Variants in PDE1C observed in about 807,000 individuals in gnomAD.
PDE1C encodes the protein phosphodiesterase 1C.
A neutral mutation model predicts 93.1 loss-of-function variants in PDE1C; 62 were observed. That is an observed-to-expected ratio of 0.67 (90% CI 0.54 to 0.82). The LOEUF (loss-of-function observed/expected upper bound fraction) is 0.82. Among genes scored for constraint, PDE1C ranks in the 40% least tolerant of loss-of-function variants. The probability of loss-of-function intolerance (pLI) is 0.00; values close to 1 mark genes in which losing one functional copy is unlikely to be tolerated. For missense variants in PDE1C, 742 were observed against 884.6 expected (o/e 0.84, Z 2.04); for synonymous variants, 325 against 310.1 (o/e 1.05, Z -0.50).
intron 5 of PDE1C, among the ~76,000 whole-genome samples, chr7:31,875,461 C>T (rs1034034048): frequency 1.3e-5 from 2 of 152,056 alleles, no homozygotes; most frequent in Non-Finnish European, 2.9e-5. Context: ...TATGGACCCT[C>T]CAGTGGGGAC....
chr7:32,341,518 T>A (rs529567353), intron 1 of PDE1C, among the ~76,000 whole-genome samples: 1 of 152,176 alleles, frequency 6.6e-6, no homozygotes, highest in African/African-American at 2.4e-5. Flanking sequence ...GGAGCACAGA[T>A]GAAACAGGGG....
At chr7:32,020,751 A>G (rs1788550171) in intron 2 of PDE1C, among the ~76,000 whole-genome samples, 1 of 152,274 alleles carries the variant, frequency 6.6e-6, no homozygotes, top group Non-Finnish European at 1.5e-5. Flanking sequence ...AAAAAATTTT[A>G]CACAAATCTA....
At chr7:31,758,266 G>A (rs1257217156) in intron 17 of PDE1C, among the ~76,000 whole-genome samples, 1 of 151,842 alleles carries the variant, frequency 6.6e-6, no homozygotes, top group African/African-American at 2.4e-5. Context: ...TGCACGTTGT[G>A]CACATGTACC....
At chr7:32,135,529 C>T (rs1357058187) in intron 3 of PDE1C, among the ~76,000 whole-genome samples, 1 of 152,154 alleles carries the variant, frequency 6.6e-6, no homozygotes, top group Non-Finnish European at 1.5e-5. Flanking sequence ...TGGTGTTCAA[C>T]ATTACTAACC....
chr7:32,233,854 A>C (rs1807881621), intron 1 of PDE1C, among the ~76,000 whole-genome samples: 1 of 152,054 alleles, frequency 6.6e-6, no homozygotes, highest in African/African-American at 2.4e-5. Flanking sequence ...TTTCTACTCA[A>C]AACTAGCAGA....
chr7:31,893,634 C>T (rs1261888767), intron 2 of PDE1C: 1 of 285,762 alleles, frequency 3.5e-6, no homozygotes, highest in Non-Finnish European at 5.3e-6. Context: ...AAGGTAAACG[C>T]TAATACAGGA....
intron 2 of PDE1C, among the ~76,000 whole-genome samples, chr7:31,940,615 C>G (rs928042940): frequency 6.6e-6 from 1 of 152,120 alleles, no homozygotes; most frequent in East Asian, 1.9e-4. Context: ...GATGGGTGCC[C>G]TGAGGCATTT....
At position 32,421,679 on chromosome 7, in the gene PDE1C, T is replaced by C. The variant is rs772396918; in HGVS notation, c.310+6143A>G. ...AAGTCTAACTGCAAGTGATCTAGGATAAAGCATGTCATCAATAATAAGTAA... is the reference window on the plus strand; with the variant it reads ...AAGTCTAACTGCAAGTGATCTAGGACAAAGCATGTCATCAATAATAAGTAA... On this transcript the variant is annotated intron_variant, in intron 1 of 1. Coordinates refer to the PDE1C transcript ENST00000672256. Among the ~76,000 whole-genome samples the C allele has an allele frequency of 1.8e-4, 27 of 152,306 alleles. 1 individual carries two copies. Among genetic ancestry groups the C allele is most frequent in the Middle Eastern group, 3.4e-3 (1 of 294 alleles).
chr7:32,347,927 G>C (rs938027946), intron 1 of PDE1C, among the ~76,000 whole-genome samples: 4 of 152,176 alleles, frequency 2.6e-5, no homozygotes, highest in Admixed American at 2.0e-4. Context: ...AAATGTAGTT[G>C]TTTTAAACAC....
the PDE1C span, chr7:31,695,534 G>A: frequency 1.2e-6 from 2 of 1,613,888 alleles, no homozygotes; most frequent in Non-Finnish European, 1.7e-6. Flanking sequence ...GGGAAAAAAT[G>A]TACAGGCCAC....
intron 2 of PDE1C, among the ~76,000 whole-genome samples, chr7:31,990,465 T>C (rs908519241): frequency 6.6e-6 from 1 of 152,186 alleles, no homozygotes; most frequent in South Asian, 2.1e-4. Context: ...GTTTTGGGTA[T>C]GTCTTTATGA....
At chr7:32,127,935 A>G (rs1799678574) in intron 3 of PDE1C, among the ~76,000 whole-genome samples, 1 of 152,028 alleles carries the variant, frequency 6.6e-6, no homozygotes, top group African/African-American at 2.4e-5. Context: ...AAAGGACAGC[A>G]ATGAAAAGAA....
At chr7:32,263,727 T>C (rs7806397) in intron 1 of PDE1C, among the ~76,000 whole-genome samples, 82,899 of 151,972 alleles carry the variant, frequency 0.55, 24,643 homozygotes, top group Admixed American at 0.67. Context: ...TTTTATGACA[T>C]TGAGATTTTT....
chr7:31,661,940 A>G, the PDE1C span, among the ~76,000 whole-genome samples: 1 of 152,148 alleles, frequency 6.6e-6, no homozygotes, highest in Admixed American at 6.5e-5. Context: ...CCAAGTGCAG[A>G]TGGCTCACAT....
chr7:31,653,921 G>A, the PDE1C span, among the ~76,000 whole-genome samples: 1 of 152,174 alleles, frequency 6.6e-6, no homozygotes, highest in Admixed American at 6.5e-5. Flanking sequence ...GTACCAGACT[G>A]TCCAGTCAGG....
At chr7:32,181,876 A>G (rs909353214) in intron 2 of PDE1C, among the ~76,000 whole-genome samples, 2 of 152,202 alleles carry the variant, frequency 1.3e-5, no homozygotes, top group Non-Finnish European at 2.9e-5. Flanking sequence ...TTTTTTGAAA[A>G]GATCAACAAC....
At chr7:32,175,459 A>T (rs992025887) in intron 2 of PDE1C, among the ~76,000 whole-genome samples, 1 of 152,190 alleles carries the variant, frequency 6.6e-6, no homozygotes, top group African/African-American at 2.4e-5. Flanking sequence ...CTTCAAGCAG[A>T]GGTAATCTTT....
chr7:32,396,856 A>C (rs924838847), intron 1 of PDE1C, among the ~76,000 whole-genome samples: 1 of 152,230 alleles, frequency 6.6e-6, no homozygotes, highest in African/African-American at 2.4e-5. Context: ...TATTTGATAC[A>C]GGTGGTATCT....
chr7:32,231,541 G>C (rs1807689763), intron 1 of PDE1C, among the ~76,000 whole-genome samples: 1 of 151,654 alleles, frequency 6.6e-6, no homozygotes, highest in African/African-American at 2.4e-5. Flanking sequence ...TCCACCAAAG[G>C]AAAAAGGATA....
Sources: gnomAD v4.1 joint callset for allele counts (sites outside exome capture counted in the v4.1 genomes callset) on GRCh38, gnomAD v4.1.1 for gene constraint, MANE v1.5 for transcripts, NCBI Gene and HGNC (gene_info 2026-07-23, HGNC 2026-07-21) for gene names.